Variants in GPC6 observed in about 807,000 individuals in gnomAD.
The protein encoded by GPC6 is glypican 6.
In GPC6, 14 loss-of-function variants were observed where a neutral mutation model predicts 55.2. The observed-to-expected ratio is 0.25, with a 90% CI of 0.17 to 0.40. The LOEUF is 0.40. GPC6 is among the 10% of genes least tolerant of loss of function. The pLI, the probability that GPC6 is intolerant of heterozygous loss-of-function variation, is 1.00. For synonymous variants in GPC6, 278 were observed against 259.6 expected (o/e 1.07, Z -0.68); for missense variants, 641 against 708.5 (o/e 0.90, Z 1.08).
chr13:93,440,073 C>G lies in GPC6; in HGVS notation c.161-105190C>G, dbSNP rs1877730448. 2.6e-5 allele frequency among the ~76,000 whole-genome samples: 4 copies of G among 152,314 alleles called. No individual in the cohort carries two copies. In the South Asian group the frequency reaches 8.3e-4, roughly 32 times the overall value. ...TATAGTAGAACAAGTGCTGCGGAAT[C>G]AATAAGTGAGTTAATACACAAATAA... On this transcript the variant is annotated intron_variant, in intron 1 of 8. Transcript: ENST00000377047.
At chr13:93,338,138 A>G (rs895509618) in intron 1 of GPC6, among the ~76,000 whole-genome samples, 1 of 152,122 alleles carries the variant, frequency 6.6e-6, no homozygotes. Flanking sequence ...TCTCTTCTAT[A>G]CCTATAAATC....
chr13:93,769,193 C>CT lies in GPC6; in HGVS notation c.320-60958dup, dbSNP rs535692263. 3.0e-3 allele frequency among the ~76,000 whole-genome samples: 461 copies of CT among 152,136 alleles called. 3 individuals are homozygous for CT. The highest frequency in any genetic ancestry group is 0.01 in the African/African-American group (427 of 41,504). ...TTTGTCTTCCATTAAATATGGTAGT[C>CT]TTTGTTTCTTCAATGGCCATGTGAG... On this transcript the variant is annotated intron_variant, in intron 2 of 8. Coordinates refer to ENST00000377047, the MANE Select transcript of GPC6 (RefSeq NM_005708.5).
intron 4 of GPC6, among the ~76,000 whole-genome samples, chr13:94,148,574 A>T (rs1281738927): frequency 6.6e-6 from 1 of 152,220 alleles, no homozygotes; most frequent in Non-Finnish European, 1.5e-5. Flanking sequence ...CTACTGTAGG[A>T]TGTAAACATT....
chr13:93,995,236 G>A (rs942218101), intron 3 of GPC6, among the ~76,000 whole-genome samples: 21 of 150,608 alleles, frequency 1.4e-4, no homozygotes, highest in African/African-American at 5.2e-4. Flanking sequence ...CGCCCAGGCT[G>A]GAGTGCAGTG....
At chr13:93,582,147 A>G (rs1876966458) in intron 2 of GPC6, among the ~76,000 whole-genome samples, 1 of 152,200 alleles carries the variant, frequency 6.6e-6, no homozygotes, top group African/African-American at 2.4e-5. Context: ...TCTCCTTGTT[A>G]TTTTTAGTTT....
intron 2 of GPC6, among the ~76,000 whole-genome samples, chr13:93,671,891 G>A (rs1881374122): frequency 6.6e-6 from 1 of 152,012 alleles, no homozygotes; most frequent in African/African-American, 2.4e-5. Flanking sequence ...ATGGCTGCAT[G>A]GCATGCTTTT....
At chr13:93,894,419 G>A (rs1337844346) in intron 3 of GPC6, among the ~76,000 whole-genome samples, 2 of 152,004 alleles carry the variant, frequency 1.3e-5, no homozygotes, top group Non-Finnish European at 2.9e-5. Flanking sequence ...TATTTTGTAA[G>A]CTATTTATAG....
At chr13:94,298,616 G>T (rs1875475625) in intron 5 of GPC6, among the ~76,000 whole-genome samples, 1 of 152,188 alleles carries the variant, frequency 6.6e-6, no homozygotes, top group South Asian at 2.1e-4. Context: ...TATTTTGTGT[G>T]CAAGGTCCTC....
chr13:93,478,819 C>T (rs1371461731), intron 1 of GPC6, among the ~76,000 whole-genome samples: 2 of 152,164 alleles, frequency 1.3e-5, no homozygotes, highest in African/African-American at 2.4e-5. Flanking sequence ...CACACCCAAC[C>T]TATTTTACTG....
At chr13:93,744,373 T>C (rs1485825152) in intron 2 of GPC6, among the ~76,000 whole-genome samples, 1 of 151,958 alleles carries the variant, frequency 6.6e-6, no homozygotes, top group East Asian at 1.9e-4. Context: ...TCCCCTTGAG[T>C]TTCTCCATCC....
At chr13:93,853,198 G>A (rs1273393388) in intron 3 of GPC6, among the ~76,000 whole-genome samples, 1 of 151,600 alleles carries the variant, frequency 6.6e-6, no homozygotes, top group Non-Finnish European at 1.5e-5. Context: ...CCAGGCTCCA[G>A]GAGTATAATT....
intron 2 of GPC6, among the ~76,000 whole-genome samples, chr13:93,597,242 C>G (rs1303140909): frequency 6.6e-6 from 1 of 152,112 alleles, no homozygotes; most frequent in East Asian, 1.9e-4. Flanking sequence ...CATAGGCACA[C>G]TATGTCCTAA....
chr13:93,961,619 C>G (rs1261765520), intron 3 of GPC6, among the ~76,000 whole-genome samples: 1 of 152,156 alleles, frequency 6.6e-6, no homozygotes, highest in African/African-American at 2.4e-5. Context: ...TGAAGGGAAA[C>G]ATTAGCATGC....
intron 1 of GPC6, among the ~76,000 whole-genome samples, chr13:93,336,228 G>C (rs1018360709): frequency 1.3e-5 from 2 of 152,186 alleles, no homozygotes; most frequent in Non-Finnish European, 2.9e-5. Context: ...GAAGCGTTGT[G>C]TAAAATGTGT....
intron 1 of GPC6, among the ~76,000 whole-genome samples, chr13:93,347,745 T>A (rs1332175587): frequency 6.6e-6 from 1 of 152,184 alleles, no homozygotes; most frequent in African/African-American, 2.4e-5. Flanking sequence ...AAGTCTTCAA[T>A]GCACTCCAGG....
intron 6 of GPC6, among the ~76,000 whole-genome samples, chr13:94,360,712 C>T (rs1485530441): frequency 1.3e-5 from 2 of 152,076 alleles, no homozygotes; most frequent in African/African-American, 2.4e-5. Context: ...CTATCCTCCT[C>T]CCCCCAAATA....
intron 2 of GPC6, among the ~76,000 whole-genome samples, chr13:93,716,198 A>C (rs901145980): frequency 1.3e-5 from 2 of 151,696 alleles, no homozygotes; most frequent in Non-Finnish European, 3.0e-5. Context: ...TTACTATGTC[A>C]CTAATTTATG....
intron 2 of GPC6, among the ~76,000 whole-genome samples, chr13:93,665,521 A>G (rs1881096110): frequency 6.6e-6 from 1 of 152,162 alleles, no homozygotes; most frequent in African/African-American, 2.4e-5. Flanking sequence ...TGTTTAGTGA[A>G]GGACTTTCTG....
At chr13:93,548,194 A>G (rs927658001) in intron 2 of GPC6, among the ~76,000 whole-genome samples, 4 of 152,138 alleles carry the variant, frequency 2.6e-5, no homozygotes, top group African/African-American at 9.7e-5. Flanking sequence ...GAGTCTCTTC[A>G]TCCATCTTGT....
Sources: allele counts gnomAD v4.1 joint callset (sites outside exome capture counted in the v4.1 genomes callset), GRCh38; gene constraint gnomAD v4.1.1; transcripts MANE v1.5; gene names NCBI Gene and HGNC (gene_info 2026-07-23, HGNC 2026-07-21).